Variants in NT5C1A observed in about 807,000 individuals in gnomAD.
NT5C1A encodes cytosolic 5'-nucleotidase 1A.
A neutral mutation model predicts 31.0 loss-of-function variants in NT5C1A; 18 were observed. That is an observed-to-expected ratio of 0.58 (90% CI 0.40 to 0.86). The LOEUF is 0.86. Ranked by LOEUF, NT5C1A falls within the 40% of genes least tolerant of loss-of-function variation. The pLI, the probability that NT5C1A is intolerant of heterozygous loss-of-function variation, is 0.00. For synonymous variants in NT5C1A, 185 were observed against 203.6 expected, an observed-to-expected ratio of 0.91 and a Z score of 0.78; for missense variants, 470 against 505.4, an observed-to-expected ratio of 0.93 and a Z score of 0.67.
In NT5C1A at chr1:39,661,136, G is replaced by A. The variant is rs140258838; in HGVS notation, c.684C>T (p.His228=). The A allele has an allele frequency of 7.7e-5, 123 of 1,596,754 alleles. No individual in the cohort carries two copies. The African/African-American group carries it at 9.1e-4, about 12-fold the overall frequency. The change falls in exon 5 of 6, where the codon CAC becomes CAT. Residue 228 remains histidine, a synonymous_variant. Coordinates refer to ENST00000235628, the MANE Select transcript of NT5C1A (RefSeq NM_032526.3). Reference sequence around the variant, plus strand: ...CATGCTCGAAGAATCGGTCCAGCCCGTGGGCCTTGACGATGCGCTCCGACT... The same window carrying A: ...CATGCTCGAAGAATCGGTCCAGCCCATGGGCCTTGACGATGCGCTCCGACT... ...SDESERIVKA[H]GLDRFFEHEK... is the part of the protein sequence containing the mutation.
At chr1:39,663,531 G>GTGCACTGGGCACAGTCCTAGTTC in intron 3 of NT5C1A, 97 bp from the exon 4 acceptor site, 2 of 1,282,498 alleles carry the variant, frequency 1.6e-6, no homozygotes, top group Non-Finnish European at 2.2e-6. Flanking sequence ...AGTTCTGGGT[G>GTGCACTGGGCACAGTCCTAGTTC]TGGTACGGCA....
intron 1 of NT5C1A, among the ~76,000 whole-genome samples, chr1:39,671,397 T>C (rs898228155): frequency 6.6e-6 from 1 of 152,084 alleles, no homozygotes; most frequent in South Asian, 2.1e-4. Flanking sequence ...AGCAGCTCCC[T>C]TTCCTTAGGA....
chr1:39,663,217 C>T, intron 4 of NT5C1A, 95 bp downstream of exon 4: 1 of 1,427,760 alleles, frequency 7.0e-7, no homozygotes, highest in Non-Finnish European at 9.8e-7. Flanking sequence ...ACCATGGCAA[C>T]TCCCAGCACC....
At chr1:39,660,884 G>A (rs1646489557) in intron 5 of NT5C1A, among the ~76,000 whole-genome samples, 195 bp downstream of exon 5, 1 of 152,140 alleles carries the variant, frequency 6.6e-6, no homozygotes, top group African/African-American at 2.4e-5. Context: ...ACTTCAGTGA[G>A]GGGATGTGGG....
intron 3 of NT5C1A, among the ~76,000 whole-genome samples, chr1:39,663,916 C>G (rs1646504650): frequency 6.6e-6 from 1 of 152,212 alleles, no homozygotes; most frequent in Admixed American, 6.5e-5. Flanking sequence ...CCAGAGTCCA[C>G]AACACAAGGC....
rs1038942301 is a variant in NT5C1A at position 39,657,756 on chromosome 1, T to G, written c.*1365A>C. On this transcript the variant is annotated 3_prime_UTR_variant, in exon 6 of 6. Coordinates refer to ENST00000235628, the MANE Select transcript of NT5C1A (RefSeq NM_032526.3). ...GAGGTTATCTCATCCTGGAAGCCCT[T>G]GCTCAGCATCCACTGATGGAGAGCT... is the stretch of plus-strand genomic sequence containing the variant. Among the ~76,000 whole-genome samples the G allele has an allele frequency of 2.0e-5, 3 of 152,252 alleles. No individual in the cohort carries two copies. The highest frequency in any genetic ancestry group is 1.3e-4 in the Admixed American group (2 of 15,292).
At chr1:39,661,888 C>T (rs760255518) in intron 4 of NT5C1A, among the ~76,000 whole-genome samples, 26 of 152,222 alleles carry the variant, frequency 1.7e-4, no homozygotes, top group Non-Finnish European at 3.4e-4. Flanking sequence ...CAGTCTACAG[C>T]CACAATGACA....
At chr1:39,665,985 A>G in intron 2 of NT5C1A, 84 bp downstream of exon 2, 2 of 1,327,094 alleles carry the variant, frequency 1.5e-6, no homozygotes, top group Non-Finnish European at 2.1e-6. Flanking sequence ...GGGCCCTTTC[A>G]CCTTACTCAA....
chr1:39,664,437 T>C (rs1247308322), intron 3 of NT5C1A, among the ~76,000 whole-genome samples: 1 of 136,024 alleles, frequency 7.4e-6, no homozygotes, highest in Non-Finnish European at 1.6e-5. Flanking sequence ...TGAGCCACCG[T>C]GCCTGGCCAG....
rs1019557677 is a variant in NT5C1A at position 39,656,753 on chromosome 1, C to A, written c.*2368G>T. 3.9e-5 allele frequency among the ~76,000 whole-genome samples: 6 copies of A among 152,256 alleles called. No homozygotes were observed. The highest frequency in any genetic ancestry group is 8.8e-5 in the Non-Finnish European group (6 of 68,044). Reference sequence around the variant, plus strand: ...CCTGTTGCCATGCTGTGAGCCTGGGCTGTGCCCGGCCTTGTAGGCTTCTTG... The same window carrying A: ...CCTGTTGCCATGCTGTGAGCCTGGGATGTGCCCGGCCTTGTAGGCTTCTTG... On this transcript the variant is annotated 3_prime_UTR_variant, in exon 6 of 6. Coordinates refer to ENST00000235628, the MANE Select transcript of NT5C1A (RefSeq NM_032526.3).
At chr1:39,671,437 G>A (rs1221443737) in intron 1 of NT5C1A, among the ~76,000 whole-genome samples, 1 of 152,228 alleles carries the variant, frequency 6.6e-6, no homozygotes, top group African/African-American at 2.4e-5. Flanking sequence ...CCAGCCCAGG[G>A]CCCAGGACCC....
At chr1:39,671,441 A>G (rs545952623) in intron 1 of NT5C1A, among the ~76,000 whole-genome samples, 1 of 152,356 alleles carries the variant, frequency 6.6e-6, no homozygotes, top group South Asian at 2.1e-4. Flanking sequence ...CCCAGGGCCC[A>G]GGACCCAGAG....
chr1:39,658,848 C>T lies in NT5C1A; in HGVS notation c.*273G>A, dbSNP rs996327623. Among the ~76,000 whole-genome samples the T allele has an allele frequency of 2.7e-5, 4 of 150,524 alleles. No individual in the cohort carries two copies. Among genetic ancestry groups the T allele is most frequent in the Non-Finnish European group, 6.0e-5 (4 of 67,024 alleles). On this transcript the variant is annotated 3_prime_UTR_variant, in exon 6 of 6. Transcript: ENST00000235628. ...AATCCTGGCTTCTCTGACCCTCCCC[C>T]TCTCAGACCCATTAACTTCCCCCCT... is the stretch of plus-strand genomic sequence containing the variant.
In NT5C1A at chr1:39,651,411, G is replaced by A. The variant is rs886450881; in HGVS notation, c.*7710C>T. On this transcript the variant is annotated 3_prime_UTR_variant, in exon 6 of 6. Transcript: ENST00000235628. Reference sequence around the variant, plus strand: ...CCAGACAGGTCTGGATCGATGGGGTGTGCTACTAGTAGGCCAAAGAGGGCA... The same window carrying A: ...CCAGACAGGTCTGGATCGATGGGGTATGCTACTAGTAGGCCAAAGAGGGCA... Among the ~76,000 whole-genome samples, 1 of 152,176 alleles carries A rather than the reference G, an allele frequency of 6.6e-6. No individual in the cohort carries two copies. Among genetic ancestry groups the A allele is most frequent in the African/African-American group, 2.4e-5 (1 of 41,434 alleles).
chr1:39,671,762 G>T, intron 1 of NT5C1A, 142 bp downstream of exon 1: 2 of 981,390 alleles, frequency 2.0e-6, no homozygotes, highest in Admixed American at 2.4e-5. Context: ...CCGAGCCCGC[G>T]CCAGCTGCAG....
intron 1 of NT5C1A, among the ~76,000 whole-genome samples, chr1:39,670,880 C>T (rs1360519836): frequency 6.6e-6 from 1 of 151,738 alleles, no homozygotes; most frequent in African/African-American, 2.4e-5. Flanking sequence ...CCCCCCCCAA[C>T]TCCCCTAGGC....
chr1:39,664,394 C>T (rs1412789768), intron 3 of NT5C1A, among the ~76,000 whole-genome samples: 2 of 146,490 alleles, frequency 1.4e-5, no homozygotes, highest in East Asian at 4.1e-4. Context: ...TGATCCCCCG[C>T]CTCGGCCTCC....
At chr1:39,664,486 T>TTCTCCCTCTCCTCTCCTCTCC (rs1646509126) in intron 3 of NT5C1A, among the ~76,000 whole-genome samples, 3 of 1,492 alleles carry the variant, frequency 2.0e-3, no homozygotes, top group Non-Finnish European at 2.8e-3. Context: ...CAGAGTGGAT[T>TTCTCCCTCTCCTCTCCTCTCC]TCTCCTCCTC....
At position 39,660,827 on chromosome 1, in the gene NT5C1A, T is replaced by C. The variant is rs572793388; in HGVS notation, c.741+252A>G. Among the ~76,000 whole-genome samples, 6 of 151,966 alleles carry C rather than the reference T, an allele frequency of 3.9e-5. No individual in the cohort carries two copies. The East Asian group carries it at 9.7e-4, about 25-fold the overall frequency. On this transcript the variant is annotated intron_variant, in intron 5 of 5. Coordinates refer to ENST00000235628, the MANE Select transcript of NT5C1A (RefSeq NM_032526.3). ...TTGAGCTGCAGAGGGGGGATGGGCT[T>C]AGAGAGAGGCTTAGATAGAGAATGG... is the stretch of plus-strand genomic sequence containing the variant.
Sources: allele counts gnomAD v4.1 joint callset (sites outside exome capture counted in the v4.1 genomes callset), GRCh38; gene constraint gnomAD v4.1.1; transcripts MANE v1.5; gene names NCBI Gene and HGNC (gene_info 2026-07-23, HGNC 2026-07-21).